CER1: variants seen among roughly 807,000 people sequenced by gnomAD.
The protein encoded by CER1 is cerberus 1, DAN family BMP antagonist, also known as cerberus.
Under a neutral mutation model 11.8 loss-of-function variants are expected in CER1, and 10 were observed. That is an observed-to-expected ratio of 0.85 (90% confidence interval 0.52 to 1.44). The LOEUF is 1.44. Among genes scored for constraint, CER1 ranks in the 40% most tolerant of loss-of-function variants. CER1 has a pLI of 0.00. For missense variants in CER1, 431 were observed against 327.0 expected, an observed-to-expected ratio of 1.32 and a Z score of -2.45; for synonymous variants, 141 against 122.3, an observed-to-expected ratio of 1.15 and a Z score of -1.01.
Position 14,722,626 on chromosome 9 carries a change from T to G in CER1, c.47A>C (p.Lys16Thr). ...FQLLVLLPLGKTTRHQDGRQN... is the reference protein window; with the variant it reads ...FQLLVLLPLGTTTRHQDGRQN... ...GCGGCCATCCTGGTGCCGTGTGGTC[T>G]TTCCTAGAGGCAGGAGTACCAGCAG... The change falls in exon 1 of 2, where the codon AAG becomes ACG. Residue 16 changes from lysine to threonine, a missense_variant. Transcript: ENST00000380911. 6.2e-7 allele frequency: 1 copy of G among 1,606,312 alleles called. No homozygotes were observed. Among genetic ancestry groups the G allele is most frequent in the Non-Finnish European group, 8.5e-7 (1 of 1,179,916 alleles).
intron 1 of CER1, among the ~76,000 whole-genome samples, chr9:14,721,868 C>A (rs1295720593): frequency 6.6e-6 from 1 of 151,996 alleles, no homozygotes; most frequent in African/African-American, 2.4e-5. Flanking sequence ...GAGTAGATCA[C>A]CTCCAATGCA....
downstream of CER1, among the ~76,000 whole-genome samples, chr9:14,717,810 G>A (rs748102794): frequency 6.6e-6 from 1 of 152,136 alleles, no homozygotes; most frequent in Non-Finnish European, 1.5e-5. Flanking sequence ...ATCCAAAATA[G>A]AAAATATTCT....
rs1209647580 is a variant in CER1, at chr9:14,719,833, T to C, written c.*257A>G. 2.3e-6 allele frequency: 1 copy of C among 439,164 alleles called. No homozygotes were observed. Among genetic ancestry groups the C allele is most frequent in the Non-Finnish European group, 4.2e-6 (1 of 239,622 alleles). 27.2% of individuals were successfully genotyped at this position (439,164 alleles called of 1,614,324 possible). ...TCATCTAGGTCGGGTCCGTCATTTATAGATGAAAATCTTTAGATGGAGAAA... is the reference window on the plus strand; with the variant it reads ...TCATCTAGGTCGGGTCCGTCATTTACAGATGAAAATCTTTAGATGGAGAAA... On this transcript the variant is annotated 3_prime_UTR_variant, in exon 2 of 2. Transcript: ENST00000380911.
downstream of CER1, among the ~76,000 whole-genome samples, chr9:14,718,566 T>C (rs1409966200): frequency 6.6e-6 from 1 of 152,160 alleles, no homozygotes; most frequent in Non-Finnish European, 1.5e-5. Context: ...GAATGTCATG[T>C]TAGATGGTGT....
chr9:14,718,857 G>A (rs1034724113), downstream of CER1, among the ~76,000 whole-genome samples: 1 of 152,142 alleles, frequency 6.6e-6, no homozygotes, highest in Non-Finnish European at 1.5e-5. Context: ...TTGGTCCAGT[G>A]TCATAAGTCT....
Position 14,720,167 on chromosome 9 carries a change from C to A in CER1, c.727G>T (p.Val243Leu). The A allele has an allele frequency of 6.2e-7, 1 of 1,614,190 alleles. No individual in the cohort carries two copies. The highest frequency in any genetic ancestry group is 1.1e-5 in the South Asian group (1 of 91,076). The stretch of plus-strand genomic sequence containing the variant: ...TGTCCATCTTCATGCTCCGTCTTCA[C>A]CTTGCACTGGCACTCCTCCACCAGC... ...VMLVEECQCK[V>L]KTEHEDGHIL... Residue 243 changes from valine to leucine, a missense_variant, in exon 2 of 2, where the codon GTG becomes TTG. Coordinates refer to ENST00000380911, the MANE Select transcript of CER1 (RefSeq NM_005454.3).
chr9:14,722,268 G>A lies in CER1; in HGVS notation c.405C>T (p.His135=). The A allele has an allele frequency of 6.2e-7, 1 of 1,614,220 alleles. No homozygotes were observed. ...PLREEAKKFW[H]HFMFRKTPAS... ...CCGGAGTTTTTCTGAACATGAAGTGGTGCCAGAATTTCTTGGCTTCTTCCC... is the reference window on the plus strand; with the variant it reads ...CCGGAGTTTTTCTGAACATGAAGTGATGCCAGAATTTCTTGGCTTCTTCCC... The change falls in exon 1 of 2, where the codon CAC becomes CAT. Residue 135 remains histidine (H), a synonymous_variant. Transcript: ENST00000380911.
downstream of CER1, among the ~76,000 whole-genome samples, chr9:14,717,473 T>C (rs1035361563): frequency 2.6e-5 from 4 of 152,166 alleles, no homozygotes; most frequent in African/African-American, 9.6e-5. Flanking sequence ...CTTGTAGTTT[T>C]ACAGGATCTA....
chr9:14,720,240 G>C lies in CER1; in HGVS notation c.654C>G (p.His218Gln), dbSNP rs148470660. 61 of 1,614,056 alleles carry C rather than the reference G, an allele frequency of 3.8e-5. No homozygotes were observed. The highest frequency in any genetic ancestry group is 5.1e-5 in the Non-Finnish European group (60 of 1,180,048). ...HCLPAKFTTM[H>Q]LPLNCTELSS... Reference sequence around the variant, plus strand: ...AAAGTTCAGTGCAGTTCAGTGGCAAGTGCATCGTGGTGAACTTGGCAGGCA... The same window carrying C: ...AAAGTTCAGTGCAGTTCAGTGGCAACTGCATCGTGGTGAACTTGGCAGGCA... The change falls in exon 2 of 2, where the codon CAC becomes CAG. Residue 218 changes from histidine to glutamine, a missense_variant. Transcript: ENST00000380911.
intron 1 of CER1, 52 bp from the exon 2 acceptor site, chr9:14,720,438 C>A: frequency 6.7e-7 from 1 of 1,501,400 alleles, no homozygotes. Context: ...TTCTTTAACA[C>A]ACATAATGCA....
chr9:14,717,725 G>T (rs1273537098), downstream of CER1, among the ~76,000 whole-genome samples: 1 of 152,150 alleles, frequency 6.6e-6, no homozygotes, highest in African/African-American at 2.4e-5. Context: ...AAAGAAATTT[G>T]CTTTGAAGCC....
At chr9:14,719,431 A>G (rs924735936), downstream of CER1, among the ~76,000 whole-genome samples, 1 of 152,210 alleles carries the variant, frequency 6.6e-6, no homozygotes, top group Non-Finnish European at 1.5e-5. Flanking sequence ...ATCAGATAGA[A>G]GTCAAGTAAA....
chr9:14,720,800 C>G (rs1272198623), intron 1 of CER1, among the ~76,000 whole-genome samples: 1 of 152,100 alleles, frequency 6.6e-6, no homozygotes, highest in Non-Finnish European at 1.5e-5. Flanking sequence ...TTACATTGAT[C>G]GTAGAATAGA....
In CER1 at chr9:14,722,170, C is replaced by A; in HGVS notation, c.503G>T (p.Ser168Ile). Residue 168 changes from serine to isoleucine, a missense_variant, in exon 1 of 2, where the codon AGC becomes ATC. Transcript: ENST00000380911. Reference protein sequence around the residue: ...HWETCRTVPFSQTITHEGCEK... With the variant: ...HWETCRTVPFIQTITHEGCEK... Reference sequence around the variant, plus strand: ...CTCTCCCCCCAGAACACATACCTGGCTGAAGGGCACTGTCCTGCAGGTCTC... The same window carrying A: ...CTCTCCCCCCAGAACACATACCTGGATGAAGGGCACTGTCCTGCAGGTCTC... 2 of 1,612,308 alleles carry A rather than the reference C, an allele frequency of 1.2e-6. No homozygotes were observed. The highest frequency in any genetic ancestry group is 1.7e-6 in the Non-Finnish European group (2 of 1,178,980).
At chr9:14,717,637 T>C (rs539318460), downstream of CER1, among the ~76,000 whole-genome samples, 2 of 152,320 alleles carry the variant, frequency 1.3e-5, no homozygotes, top group South Asian at 4.1e-4. Context: ...ATTTGGCCGA[T>C]AACCTGACCT....
chr9:14,721,178 C>T (rs1840007929), intron 1 of CER1, among the ~76,000 whole-genome samples: 1 of 152,198 alleles, frequency 6.6e-6, no homozygotes, highest in South Asian at 2.1e-4. Flanking sequence ...TACTTAACTG[C>T]CTTGAACAGT....
chr9:14,719,935 A>T lies in CER1; in HGVS notation c.*155T>A, dbSNP rs878900026. Reference sequence around the variant, plus strand: ...GTCTCAAACGTGTACCAATAACTAGACTAATATCATTTCCTCTATCGTTCT... The same window carrying T: ...GTCTCAAACGTGTACCAATAACTAGTCTAATATCATTTCCTCTATCGTTCT... On this transcript the variant is annotated 3_prime_UTR_variant, in exon 2 of 2. Transcript: ENST00000380911. 3.0e-6 allele frequency: 2 copies of T among 662,488 alleles called. No homozygotes were observed. The highest frequency in any genetic ancestry group is 3.8e-5 in the South Asian group (2 of 52,726). The allele number at this position is 662,488 out of a possible 1,614,324, so 41.0% of individuals were successfully genotyped here.
chr9:14,722,199 A>G lies in CER1; in HGVS notation c.474T>C (p.His158=), dbSNP rs772271527. The change falls in exon 1 of 2, where the codon CAT becomes CAC. Residue 158 remains histidine (H), a synonymous_variant. Transcript: ENST00000380911. ...AGGGCACTGTCCTGCAGGTCTCCCAATGTACTTCATGGCTTTTGATGGGCA... is the reference window on the plus strand; with the variant it reads ...AGGGCACTGTCCTGCAGGTCTCCCAGTGTACTTCATGGCTTTTGATGGGCA... ...VILPIKSHEV[H]WETCRTVPFS... is the part of the protein sequence containing the mutation. The G allele has an allele frequency of 2.0e-5, 32 of 1,614,122 alleles. No individual in the cohort carries two copies. The East Asian group carries it at 6.9e-4, about 35-fold the overall frequency.
Position 14,720,078 on chromosome 9 carries a change from T to G in CER1, c.*12A>C, listed in dbSNP as rs764995110. On this transcript the variant is annotated 3_prime_UTR_variant, in exon 2 of 2. Coordinates refer to ENST00000380911, the MANE Select transcript of CER1 (RefSeq NM_005454.3). ...TGGTTTTGCTTTTCAAAGGTAATAG[T>G]GGGATAGCTCTTCAAGCTGAAACTC... 6.2e-7 allele frequency: 1 copy of G among 1,609,598 alleles called. No individual in the cohort carries two copies. The highest frequency in any genetic ancestry group is 1.3e-5 in the African/African-American group (1 of 74,812).
Sources: allele counts gnomAD v4.1 joint callset (sites outside exome capture counted in the v4.1 genomes callset), GRCh38; gene constraint gnomAD v4.1.1; transcripts MANE v1.5; gene names NCBI Gene and HGNC (gene_info 2026-07-23, HGNC 2026-07-21).